The following GPR55 variants were observed in gnomAD, a reference collection of about 807,000 sequenced individuals.
GPR55 encodes G protein-coupled receptor 55, also known as G-protein coupled receptor 55.
Under a neutral mutation model 7.9 loss-of-function variants are expected in GPR55, and 6 were observed. That is an observed-to-expected ratio of 0.76 (90% confidence interval 0.41 to 1.49). The LOEUF (loss-of-function observed/expected upper bound fraction) is 1.49, where lower values mean the gene tolerates loss of function less well. GPR55 is among the 40% of genes most tolerant of loss of function. GPR55 has a pLI of 0.01. For synonymous variants in GPR55, 183 were observed against 166.8 expected (o/e 1.10, Z -0.75); for missense variants, 376 against 406.0 (o/e 0.93, Z 0.63).
chr2:230,931,288 G>A (rs972874590), intron 1 of GPR55, among the ~76,000 whole-genome samples: 38 of 152,326 alleles, frequency 2.5e-4, no homozygotes, highest in African/African-American at 7.2e-4. Context: ...GGACCACGCC[G>A]AGGGCAGTAC....
chr2:230,940,181 G>A (rs1691202972), intron 1 of GPR55, among the ~76,000 whole-genome samples: 1 of 152,060 alleles, frequency 6.6e-6, no homozygotes, highest in Admixed American at 6.5e-5. Flanking sequence ...CTGGACCAGA[G>A]CCCAGCAGCC....
intron 1 of GPR55, among the ~76,000 whole-genome samples, chr2:230,960,254 C>T (rs1295372739): frequency 6.6e-6 from 1 of 152,166 alleles, no homozygotes; most frequent in Non-Finnish European, 1.5e-5. Context: ...GACAAAGAAA[C>T]ATACAGGAAA....
intron 1 of GPR55, among the ~76,000 whole-genome samples, chr2:230,921,525 A>G (rs1690835601): frequency 6.6e-6 from 1 of 152,252 alleles, no homozygotes; most frequent in African/African-American, 2.4e-5. Flanking sequence ...AGGCATTTCT[A>G]TGCATTCTTT....
intron 1 of GPR55, among the ~76,000 whole-genome samples, chr2:230,943,039 C>T (rs559921393): frequency 3.6e-5 from 5 of 138,998 alleles, no homozygotes; most frequent in African/African-American, 5.5e-5. Context: ...AGAGAAGAGA[C>T]GAGAAGAGGA....
intron 1 of GPR55, among the ~76,000 whole-genome samples, chr2:230,932,085 C>T (rs958370245): frequency 6.6e-5 from 10 of 152,184 alleles, no homozygotes; most frequent in African/African-American, 2.4e-4. Flanking sequence ...GGTTCTGAGG[C>T]GTGAAGCTCC....
chr2:230,949,959 A>T lies in GPR55; in HGVS notation c.-135+10816T>A, dbSNP rs538030456. 1.3e-4 allele frequency among the ~76,000 whole-genome samples: 19 copies of T among 151,598 alleles called. 1 individual carries two copies. The South Asian group carries it at 3.9e-3, about 31-fold the overall frequency. On this transcript the variant is annotated intron_variant, in intron 1 of 1. Transcript: ENST00000392039. ...AAGCAATTCTCTGCCTCAGCCTCCC[A>T]AATAGCTGGGATTACAGGCAACCAC...
chr2:230,917,649 T>C (rs560689750), intron 1 of GPR55, among the ~76,000 whole-genome samples: 50 of 152,204 alleles, frequency 3.3e-4, no homozygotes, highest in Admixed American at 5.2e-4. Context: ...CTCTACAATT[T>C]TTTTTTTTTA....
At chr2:230,952,628 G>C (rs1691421158) in intron 1 of GPR55, among the ~76,000 whole-genome samples, 1 of 152,306 alleles carries the variant, frequency 6.6e-6, no homozygotes, top group East Asian at 1.9e-4. Context: ...AGGTGTCATG[G>C]GCGTTTCTGA....
At chr2:230,926,977 C>T (rs1401773150), upstream of GPR55, among the ~76,000 whole-genome samples, 1 of 151,972 alleles carries the variant, frequency 6.6e-6, no homozygotes, top group Non-Finnish European at 1.5e-5. Flanking sequence ...AGATGTGAGC[C>T]ACCGCTCCCG....
chr2:230,942,007 T>A (rs1363579502), intron 1 of GPR55, among the ~76,000 whole-genome samples: 1 of 152,186 alleles, frequency 6.6e-6, no homozygotes, highest in Non-Finnish European at 1.5e-5. Flanking sequence ...GGGAGCCTGA[T>A]GCCCGGGGTA....
intron 1 of GPR55, among the ~76,000 whole-genome samples, chr2:230,956,480 T>C (rs1309089290): frequency 5.3e-5 from 8 of 152,216 alleles, no homozygotes; most frequent in African/African-American, 1.9e-4. Context: ...CTTTTAATTT[T>C]TTTAAATATC....
At chr2:230,941,091 C>T (rs369547675) in intron 1 of GPR55, among the ~76,000 whole-genome samples, 3,689 of 151,746 alleles carry the variant, frequency 0.024, 139 homozygotes, top group African/African-American at 0.085. Context: ...CACTCCAGCC[C>T]GGGCGACAGA....
At position 230,909,992 on chromosome 2, in the gene GPR55, A is replaced by T. The variant is rs1328231794; in HGVS notation, c.*11T>A. 2 of 1,607,508 alleles carry T rather than the reference A, an allele frequency of 1.2e-6. No homozygotes were observed. Among genetic ancestry groups the T allele is most frequent in the East Asian group, 2.2e-5 (1 of 44,834 alleles). On this transcript the variant is annotated 3_prime_UTR_variant, in exon 2 of 2. Coordinates refer to ENST00000650999, the MANE Select transcript of GPR55 (RefSeq NM_005683.4). The stretch of plus-strand genomic sequence containing the variant: ...CCAGGGCTTTCTTCCCCTGAACAGG[A>T]TGTCCTTCCGTTAGCCCCGGGAGAT...
At chr2:230,926,437 C>A (rs1690942994), upstream of GPR55, among the ~76,000 whole-genome samples, 1 of 152,194 alleles carries the variant, frequency 6.6e-6, no homozygotes, top group African/African-American at 2.4e-5. Flanking sequence ...CCAATCTAAG[C>A]CAAAGGCTGG....
chr2:230,946,451 A>G (rs1691319588), intron 1 of GPR55, among the ~76,000 whole-genome samples: 1 of 152,214 alleles, frequency 6.6e-6, no homozygotes, highest in Admixed American at 6.5e-5. Flanking sequence ...CAGTGTATAC[A>G]TATATCAAAA....
At chr2:230,941,220 C>A (rs1244956963) in intron 1 of GPR55, among the ~76,000 whole-genome samples, 2 of 152,188 alleles carry the variant, frequency 1.3e-5, no homozygotes, top group African/African-American at 4.8e-5. Context: ...CACAGGAGCC[C>A]ACGGCCACTC....
chr2:230,923,058 C>A lies in GPR55; in HGVS notation c.-135+2110G>T, dbSNP rs1436681457. Among the ~76,000 whole-genome samples, 1 of 152,236 alleles carries A rather than the reference C, an allele frequency of 6.6e-6. No homozygotes were observed. Among genetic ancestry groups the A allele is most frequent in the Admixed American group, 6.5e-5 (1 of 15,286 alleles). ...CATTCTGCAGCTGGGATTCCCGCAACTGCCAGTGGTCCATGGTACCCTCAT... is the reference window on the plus strand; with the variant it reads ...CATTCTGCAGCTGGGATTCCCGCAAATGCCAGTGGTCCATGGTACCCTCAT... On this transcript the variant is annotated intron_variant, in intron 1 of 1. Transcript: ENST00000650999. The surrounding 1 kb of genome is among the most constrained non-coding windows in gnomAD (Gnocchi z 4.1).
intron 1 of GPR55, among the ~76,000 whole-genome samples, chr2:230,936,036 A>G (rs1403840935): frequency 1.3e-5 from 2 of 152,200 alleles, no homozygotes; most frequent in East Asian, 3.8e-4. Flanking sequence ...TGAGAAAATA[A>G]AGAGTGAACT....
chr2:230,929,960 C>T (rs1234055245), upstream of GPR55: 1 of 152,294 alleles, frequency 6.6e-6, no homozygotes, highest in Non-Finnish European at 1.5e-5. Flanking sequence ...CTGAGGCCCT[C>T]CTGAGGTTTG....
Sources: allele counts gnomAD v4.1 joint callset (sites outside exome capture counted in the v4.1 genomes callset), GRCh38; gene constraint gnomAD v4.1.1; non-coding constraint Gnocchi (gnomAD v3.1); transcripts MANE v1.5; gene names NCBI Gene and HGNC (gene_info 2026-07-23, HGNC 2026-07-21).